WDR25: variants seen among roughly 807,000 people sequenced by gnomAD.
WDR25 encodes the protein WD repeat domain 25.
In WDR25, 35 loss-of-function variants were observed where a neutral mutation model predicts 47.7. That is an observed-to-expected ratio of 0.73 (90% CI 0.56 to 0.97). The LOEUF (loss-of-function observed/expected upper bound fraction) is 0.97. Among genes scored for constraint, WDR25 ranks in the 50% least tolerant of loss-of-function variants. The pLI, the probability that WDR25 is intolerant of heterozygous loss-of-function variation, is 0.00. For missense variants in WDR25, 634 were observed against 704.7 expected (o/e 0.90, Z 1.14); for synonymous variants, 248 against 278.9 (o/e 0.89, Z 1.10).
chr14:100,509,543 A>G (rs575934571), intron 4 of WDR25, among the ~76,000 whole-genome samples: 1 of 151,948 alleles, frequency 6.6e-6, no homozygotes, highest in African/African-American at 2.4e-5. Context: ...TTTTTCCTTC[A>G]TTTTTGTCGT....
intron 1 of WDR25, among the ~76,000 whole-genome samples, chr14:100,376,982 G>A (rs575987466): frequency 6.6e-6 from 1 of 152,226 alleles, no homozygotes; most frequent in Non-Finnish European, 1.5e-5. Flanking sequence ...GATAGTGACT[G>A]TCAGAGTCAC....
At chr14:100,503,138 G>C (rs955868632) in intron 4 of WDR25, among the ~76,000 whole-genome samples, 95 of 152,106 alleles carry the variant, frequency 6.2e-4, no homozygotes, top group African/African-American at 2.2e-3. Flanking sequence ...GGTGGCCAGT[G>C]CAGGGCCTCC....
chr14:100,501,507 C>T (rs532773535), intron 4 of WDR25, among the ~76,000 whole-genome samples: 4 of 152,258 alleles, frequency 2.6e-5, no homozygotes, highest in East Asian at 3.9e-4. Flanking sequence ...TAACCCAGTG[C>T]GATAACACCG....
At chr14:100,393,924 C>T (rs1371624908) in intron 2 of WDR25, among the ~76,000 whole-genome samples, 2 of 152,200 alleles carry the variant, frequency 1.3e-5, no homozygotes, top group Non-Finnish European at 2.9e-5. Context: ...GCGCTCCACA[C>T]ACTGCGTATT....
intron 4 of WDR25, among the ~76,000 whole-genome samples, chr14:100,507,056 C>T (rs1380010616): frequency 6.6e-6 from 1 of 152,030 alleles, no homozygotes; most frequent in South Asian, 2.1e-4. Context: ...TGAGGTCTTA[C>T]ATTTAAATGT....
At chr14:100,451,154 G>A (rs182232293) in intron 2 of WDR25, among the ~76,000 whole-genome samples, 57 of 152,252 alleles carry the variant, frequency 3.7e-4, no homozygotes, top group Non-Finnish European at 6.9e-4. Flanking sequence ...AGAGAAAATA[G>A]ACGCCAGGCA....
intron 2 of WDR25, among the ~76,000 whole-genome samples, chr14:100,408,174 A>G (rs1253439857): frequency 6.6e-6 from 1 of 152,026 alleles, no homozygotes; most frequent in Non-Finnish European, 1.5e-5. Context: ...AAAACTGGAG[A>G]GAAAAACCCT....
In WDR25 at chr14:100,468,106, G is replaced by A. The variant is rs1899702623; in HGVS notation, c.908G>A (p.Cys303Tyr). 6.2e-7 allele frequency: 1 copy of A among 1,613,500 alleles called. No individual in the cohort carries two copies. The highest frequency in any genetic ancestry group is 1.7e-4 in the Middle Eastern group (1 of 6,058). Residue 303 changes from cysteine to tyrosine, a missense_variant, in exon 3 of 7, where the codon TGT becomes TAT. By Grantham distance (194) the Cys-to-Tyr change is radical (BLOSUM62 -2). Coordinates refer to ENST00000402312, the MANE Select transcript of WDR25 (RefSeq NM_001161476.3). The surrounding 1 kb of genome is among the most constrained non-coding windows in gnomAD (Gnocchi z 4.5). ...GTGCGGGCCGCCCGGTGGGCTCCCT[G>A]TGGCCGGCGCATCCTCAGTGGTGGC... ...EAVRAARWAP[C>Y]GRRILSGGFD...
intron 2 of WDR25, among the ~76,000 whole-genome samples, chr14:100,446,854 C>T (rs1385946521): frequency 2.0e-5 from 3 of 152,176 alleles, no homozygotes; most frequent in East Asian, 3.9e-4. Flanking sequence ...CTGTCAGCAC[C>T]GCATGGATGC....
At chr14:100,474,142 G>T (rs571177859) in intron 3 of WDR25, among the ~76,000 whole-genome samples, 21 of 152,172 alleles carry the variant, frequency 1.4e-4, no homozygotes, top group Non-Finnish European at 2.9e-4. Flanking sequence ...ACTTGTGAGT[G>T]GGTCTATTTT....
At position 100,488,532 on chromosome 14, in the gene WDR25, C is replaced by T. The variant is rs968587954; in HGVS notation, c.1101+4408C>T. 2.6e-5 allele frequency among the ~76,000 whole-genome samples: 4 copies of T among 152,080 alleles called. No individual in the cohort carries two copies. The highest frequency in any genetic ancestry group is 2.1e-4 in the South Asian group (1 of 4,814). On this transcript the variant is annotated intron_variant, in intron 4 of 6. Coordinates refer to ENST00000402312, the MANE Select transcript of WDR25 (RefSeq NM_001161476.3). The surrounding 1 kb of genome is among the most constrained non-coding windows in gnomAD (Gnocchi z 4.2). ...TGATTCACAATTTTTAAATTGGTAT[C>T]GTAAAGTGGCAGGCCAAGCCACGCC...
chr14:100,435,665 G>GTCCA (rs1898478350), intron 2 of WDR25, among the ~76,000 whole-genome samples: 1 of 151,934 alleles, frequency 6.6e-6, no homozygotes, highest in African/African-American at 2.4e-5. Context: ...TCAATCATTC[G>GTCCA]TTCATTCATT....
At chr14:100,464,300 T>C (rs1436926444) in intron 2 of WDR25, among the ~76,000 whole-genome samples, 1 of 152,066 alleles carries the variant, frequency 6.6e-6, no homozygotes, top group Non-Finnish European at 1.5e-5. Context: ...CTCAGAGAGG[T>C]CCTCCCTGGC....
chr14:100,410,799 T>C (rs112496791), intron 2 of WDR25, among the ~76,000 whole-genome samples: 4,519 of 151,684 alleles, frequency 0.03, 84 homozygotes, highest in Middle Eastern at 0.058. Flanking sequence ...TTTTTTTTTT[T>C]TGATACAGAG....
chr14:100,382,094 T>C (rs1373436467), intron 2 of WDR25: 19 of 702,814 alleles, frequency 2.7e-5, no homozygotes, highest in Non-Finnish European at 4.4e-5. Flanking sequence ...CTGTGGAGCA[T>C]TGAGCCATGC....
rs952564719 is a variant in WDR25, at chr14:100,440,325, A to T, written c.823-27696A>T. Among the ~76,000 whole-genome samples the T allele has an allele frequency of 6.6e-6, 1 of 152,266 alleles. No homozygotes were observed. Among genetic ancestry groups the T allele is most frequent in the African/African-American group, 2.4e-5 (1 of 41,474 alleles). ...CAAAATAGCTACTCTCAAAATGCAG[A>T]CAGGCAGCCACAGTCAGGGAGCCCT... On this transcript the variant is annotated intron_variant, in intron 2 of 6. Coordinates refer to ENST00000402312, the MANE Select transcript of WDR25 (RefSeq NM_001161476.3). This position sits in a 1 kb window ranked among gnomAD's most constrained non-coding sequence, Gnocchi z 4.4.
At chr14:100,382,019 A>AT (rs1896914456) in intron 2 of WDR25, 1 of 701,960 alleles carries the variant, frequency 1.4e-6, no homozygotes, top group Admixed American at 2.0e-5. Context: ...GGTGAGAGTG[A>AT]TTAGTGGGAG....
In WDR25 at chr14:100,499,671, A is replaced by G. The variant is rs895062878; in HGVS notation, c.1101+15547A>G. 6.6e-6 allele frequency among the ~76,000 whole-genome samples: 1 copy of G among 152,040 alleles called. No homozygotes were observed. Among genetic ancestry groups the G allele is most frequent in the African/African-American group, 2.4e-5 (1 of 41,372 alleles). ...GGAGCAGGGTGGGTATAGGGAAGAA[A>G]GCCACCTCCTTCTTGAGACAGGAAG... On this transcript the variant is annotated intron_variant, in intron 4 of 6. Coordinates refer to ENST00000402312, the MANE Select transcript of WDR25 (RefSeq NM_001161476.3). This position sits in a 1 kb window ranked among gnomAD's most constrained non-coding sequence, Gnocchi z 4.4.
rs78335416 is a variant in WDR25, at chr14:100,394,377, G to T, written c.822+12631G>T. Among the ~76,000 whole-genome samples the T allele has an allele frequency of 8.5e-3, 1,291 of 152,278 alleles. 26 individuals carry two copies. Among genetic ancestry groups the T allele is most frequent in the Middle Eastern group, 0.01 (3 of 294 alleles). On this transcript the variant is annotated intron_variant, in intron 2 of 6. Coordinates refer to ENST00000402312, the MANE Select transcript of WDR25 (RefSeq NM_001161476.3). Reference sequence around the variant, plus strand: ...GACGTCTCCATGAGCCAGGCTTCTGGACTTGCTGCTGTGTGGCCTGTGAAT... The same window carrying T: ...GACGTCTCCATGAGCCAGGCTTCTGTACTTGCTGCTGTGTGGCCTGTGAAT...
Sources: gnomAD v4.1 joint callset for allele counts (sites outside exome capture counted in the v4.1 genomes callset) on GRCh38, gnomAD v4.1.1 for gene constraint, Gnocchi (gnomAD v3.1) non-coding constraint, MANE v1.5 for transcripts, NCBI Gene and HGNC (gene_info 2026-07-23, HGNC 2026-07-21) for gene names.